CPLANE1: variants seen among roughly 807,000 people sequenced by gnomAD.
CPLANE1 encodes ciliogenesis and planar polarity effector complex subunit 1.
Under a neutral mutation model 362.5 loss-of-function variants are expected in CPLANE1, and 263 were observed. The observed-to-expected ratio is 0.73, with a 90% confidence interval of 0.66 to 0.80. The LOEUF (loss-of-function observed/expected upper bound fraction) is 0.80. Among genes scored for constraint, CPLANE1 ranks in the 30% least tolerant of loss-of-function variants. CPLANE1 has a pLI of 0.00. For missense variants in CPLANE1, 3,461 were observed against 3,793.4 expected (o/e 0.91, Z 2.30); for synonymous variants, 1,212 against 1,302.6 (o/e 0.93, Z 1.50).
At chr5:37,087,454 C>T in the CPLANE1 span, among the ~76,000 whole-genome samples, 4 of 152,176 alleles carry the variant, frequency 2.6e-5, no homozygotes, top group African/African-American at 2.4e-5. Flanking sequence ...ACAAGAAACA[C>T]ACTCCAGCTG....
rs534503524 is a variant in CPLANE1, at chr5:37,237,126, A to G, written c.938+1731T>C. Among the ~76,000 whole-genome samples, 8 of 152,352 alleles carry G rather than the reference A, an allele frequency of 5.3e-5. No homozygotes were observed. In the South Asian group the frequency reaches 1.5e-3, roughly 28 times the overall value. ...AGGGAAAGAAATCATTATATCAAAA[A>G]GATACTTGCACTCACACGTTTATCA... On this transcript the variant is annotated intron_variant, in intron 8 of 52. Transcript: ENST00000651892.
chr5:37,100,057 G>T, the CPLANE1 span, among the ~76,000 whole-genome samples: 5 of 151,842 alleles, frequency 3.3e-5, no homozygotes, highest in South Asian at 1.0e-3. Context: ...CCATTCTGTA[G>T]GTTGTCTGTT....
At chr5:37,123,881 C>A (rs917009487) in intron 47 of CPLANE1, among the ~76,000 whole-genome samples, 9 of 151,260 alleles carry the variant, frequency 6.0e-5, no homozygotes, top group African/African-American at 1.9e-4. Flanking sequence ...ACTTCACTGA[C>A]AGCGAGAAGG....
intron 46 of CPLANE1, 65 bp from the exon 47 acceptor site, chr5:37,125,474 T>C (rs958250134): frequency 6.9e-6 from 10 of 1,443,950 alleles, no homozygotes; most frequent in African/African-American, 1.4e-5. Flanking sequence ...AGATATATCA[T>C]GACTAAACAC....
chr5:37,175,019 C>T (rs1780775068), intron 31 of CPLANE1, among the ~76,000 whole-genome samples: 1 of 152,086 alleles, frequency 6.6e-6, no homozygotes. Context: ...GTAAGCGGAG[C>T]CAAAGAAGGT....
Position 37,107,552 on chromosome 5 carries a change from A to C in CPLANE1, c.*50T>G. 1.4e-6 allele frequency: 2 copies of C among 1,471,830 alleles called. No homozygotes were observed. The highest frequency in any genetic ancestry group is 1.8e-6 in the Non-Finnish European group (2 of 1,103,972). 91.2% of individuals were successfully genotyped at this position (1,471,830 alleles called of 1,614,324 possible). On this transcript the variant is annotated 3_prime_UTR_variant, in exon 53 of 53. Coordinates refer to ENST00000651892, the MANE Select transcript of CPLANE1 (RefSeq NM_001384732.1). The stretch of plus-strand genomic sequence containing the variant: ...TTAAACCTGTTAATCTTTCAGAACC[A>C]CATTACTGAGGTGCTGGCCTGTGCA...
the CPLANE1 span, among the ~76,000 whole-genome samples, chr5:37,096,551 T>C: frequency 1.3e-5 from 2 of 152,020 alleles, no homozygotes; most frequent in African/African-American, 4.8e-5. Flanking sequence ...CAAAGATAAA[T>C]AGCTGGGTCT....
intron 46 of CPLANE1, 25 bp from the exon 47 acceptor site, chr5:37,125,434 T>C: frequency 6.2e-7 from 1 of 1,602,716 alleles, no homozygotes; most frequent in African/African-American, 1.3e-5. Flanking sequence ...AAGCAAGACA[T>C]CATTTGCTTT....
chr5:37,245,350 T>TATACAC (rs1554117324), intron 4 of CPLANE1, 129 bp downstream of exon 4: 1 of 108,836 alleles, frequency 9.2e-6, no homozygotes, highest in Non-Finnish European at 1.9e-5. Context: ...TATATATATA[T>TATACAC]ACACACACTC....
Position 37,180,250 on chromosome 5 carries a change from T to G in CPLANE1, c.5571-67A>C, listed in dbSNP as rs533686682. ...GATAAAGAGCTAATTCAGTTTTGGG[T>G]TTTTTTTTTGTTTTTTTTTTTAAGA... On this transcript the variant is annotated intron_variant, in intron 27 of 52. Transcript: ENST00000651892. 3,944 of 949,758 alleles carry G rather than the reference T, an allele frequency of 4.2e-3. 19 individuals carry two copies. Among genetic ancestry groups the G allele is most frequent in the Non-Finnish European group, 5.0e-3 (3,572 of 715,660 alleles). The allele number at this position is 949,758 out of a possible 1,614,324, so 58.8% of individuals were successfully genotyped here. A position where few individuals can be genotyped will look rare whatever the true frequency, so the allele number is the denominator to read the frequency against.
At chr5:37,248,619 T>C (rs72736769) in intron 1 of CPLANE1, among the ~76,000 whole-genome samples, 1 of 152,234 alleles carries the variant, frequency 6.6e-6, no homozygotes, top group Non-Finnish European at 1.5e-5. Flanking sequence ...TGAGAGCCAC[T>C]GCACTCCAGC....
In CPLANE1 at chr5:37,157,649, T is replaced by A. The variant is rs758215598; in HGVS notation, c.8011+21A>T. ...AAGAACTTTTCAAATTATATTTGTTTTAAAAGTAGGAAAAAATTACCTTGA... is the reference window on the plus strand; with the variant it reads ...AAGAACTTTTCAAATTATATTTGTTATAAAAGTAGGAAAAAATTACCTTGA... On this transcript the variant is annotated intron_variant, in intron 40 of 52. Coordinates refer to ENST00000651892, the MANE Select transcript of CPLANE1 (RefSeq NM_001384732.1). 7.5e-6 allele frequency: 12 copies of A among 1,601,152 alleles called. No individual in the cohort carries two copies. In the South Asian group the frequency reaches 1.3e-4, roughly 18 times the overall value.
intron 29 of CPLANE1, 26 bp from the exon 30 acceptor site, chr5:37,177,726 A>G: frequency 6.4e-7 from 1 of 1,564,248 alleles, no homozygotes; most frequent in Non-Finnish European, 8.8e-7. Flanking sequence ...GTACCCAAAA[A>G]GAAAACAGGT....
At chr5:37,243,224 G>A in intron 5 of CPLANE1, 105 bp from the exon 6 acceptor site, 1 of 675,370 alleles carries the variant, frequency 1.5e-6, no homozygotes, top group Non-Finnish European at 2.3e-6. Context: ...AAAAAATATT[G>A]AGATCTTGCT....
chr5:37,102,372 G>C (rs1343412420), downstream of CPLANE1, among the ~76,000 whole-genome samples: 3 of 152,018 alleles, frequency 2.0e-5, no homozygotes, highest in African/African-American at 7.2e-5. Context: ...ATTTTTAGTA[G>C]AGGCAGGATC....
chr5:37,154,848 G>A (rs1466141939), intron 41 of CPLANE1, among the ~76,000 whole-genome samples: 1 of 152,084 alleles, frequency 6.6e-6, no homozygotes, highest in Non-Finnish European at 1.5e-5. Flanking sequence ...CAGTTAGGTT[G>A]TCCCATAAGC....
Position 37,243,034 on chromosome 5 carries a change from T to C in CPLANE1, c.656A>G (p.Glu219Gly). ...TCACCTTACAGATGTAAATACATTCTCATGCCACCGAATTGCTAGAAATGT... is the reference window on the plus strand; with the variant it reads ...TCACCTTACAGATGTAAATACATTCCCATGCCACCGAATTGCTAGAAATGT... ...KLTFLAIRWH[E>G]NVFTSVRSLP... The change falls in exon 6 of 53, where the codon GAG becomes GGG. Residue 219 changes from glutamate (E) to glycine (G), a missense_variant. Physicochemically the swap from Glu to Gly is moderately conservative, Grantham distance 98. This residue lies in a region of CPLANE1 where 3,380 missense variants were observed against 3,666.1 expected (regional missense o/e 0.92). Coordinates refer to ENST00000651892, the MANE Select transcript of CPLANE1 (RefSeq NM_001384732.1). 1 of 1,544,544 alleles carries C rather than the reference T, an allele frequency of 6.5e-7. No homozygotes were observed. The highest frequency in any genetic ancestry group is 8.7e-7 in the Non-Finnish European group (1 of 1,143,542).
At position 37,227,643 on chromosome 5, in the gene CPLANE1, T is replaced by A. The variant is rs2150455045; in HGVS notation, c.1296A>T (p.Ser432=). The A allele has an allele frequency of 1.3e-6, 2 of 1,551,370 alleles. No homozygotes were observed. The highest frequency in any genetic ancestry group is 1.7e-6 in the Non-Finnish European group (2 of 1,146,712). Reference sequence around the variant, plus strand: ...CAAGTAGAAGTGATCTCATGTGTACTGATGGAGATAGGCTATCAAGAAATC... The same window carrying A: ...CAAGTAGAAGTGATCTCATGTGTACAGATGGAGATAGGCTATCAAGAAATC... ...TLRFLDSLSP[S]VHMRSLLLDS... is the part of the protein sequence containing the mutation. The change falls in exon 10 of 53, where the codon TCA becomes TCT. Residue 432 remains serine (S), a synonymous_variant. Coordinates refer to ENST00000651892, the MANE Select transcript of CPLANE1 (RefSeq NM_001384732.1).
In CPLANE1 at chr5:37,160,538, GCCTGGGAAAC is replaced by G. The variant is rs1039077493; in HGVS notation, c.7690+1917_7690+1926del. Among the ~76,000 whole-genome samples, 15 of 150,044 alleles carry G rather than the reference GCCTGGGAAAC, an allele frequency of 1.0e-4. No individual in the cohort carries two copies. The South Asian group carries it at 3.2e-3, about 32-fold the overall frequency. On this transcript the variant is annotated intron_variant, in intron 38 of 52. Coordinates refer to ENST00000651892, the MANE Select transcript of CPLANE1 (RefSeq NM_001384732.1). Reference sequence around the variant, plus strand: ...TTGCACCACTGCACTCCAGCCTCCAGCCTGGGAAACAGAGCAAGACTCCATCTCAAAAAAA... The same window carrying G: ...TTGCACCACTGCACTCCAGCCTCCAGAGAGCAAGACTCCATCTCAAAAAAA...
Sources: gnomAD v4.1 joint callset for allele counts (sites outside exome capture counted in the v4.1 genomes callset) on GRCh38, gnomAD v4.1.1 for gene constraint, gnomAD v4.1.1 regional missense constraint, MANE v1.5 for transcripts, NCBI Gene and HGNC (gene_info 2026-07-23, HGNC 2026-07-21) for gene names.